Variants in MORF4L1 observed in about 807,000 individuals in gnomAD.
The protein encoded by MORF4L1 is mortality factor 4 like 1, also known as mortality factor 4-like protein 1.
A neutral mutation model predicts 52.9 loss-of-function variants in MORF4L1; 4 were observed. That is an observed-to-expected ratio of 0.08 (90% CI 0.04 to 0.17). MORF4L1 has a LOEUF of 0.17. Among genes scored for constraint, MORF4L1 ranks in the 10% least tolerant of loss-of-function variants. MORF4L1 has a pLI of 1.00. For synonymous variants in MORF4L1, 123 were observed against 134.8 expected, an observed-to-expected ratio of 0.91 and a Z score of 0.61; for missense variants, 214 against 390.4, an observed-to-expected ratio of 0.55 and a Z score of 3.81.
At chr15:78,878,048 T>A (rs928372680) in intron 1 of MORF4L1, 165 bp from the exon 2 acceptor site, 3 of 505,424 alleles carry the variant, frequency 5.9e-6, no homozygotes, top group African/African-American at 5.9e-5. Flanking sequence ...GTTTTTGTCG[T>A]AGGGTATAGT....
At chr15:78,893,439 T>G in intron 8 of MORF4L1, 100 bp from the exon 9 acceptor site, 1 of 768,296 alleles carries the variant, frequency 1.3e-6, no homozygotes, top group South Asian at 1.5e-5. Flanking sequence ...TAATTTGAAA[T>G]ACTGTTACTG....
intron 4 of MORF4L1, 71 bp downstream of exon 4, chr15:78,886,298 A>T: frequency 7.6e-7 from 1 of 1,310,122 alleles, no homozygotes; most frequent in South Asian, 1.2e-5. Flanking sequence ...GGAATGAACA[A>T]TGGAGATCAT....
At position 78,874,978 on chromosome 15, in the gene MORF4L1, C is replaced by T. The variant is rs79435848; in HGVS notation, c.40+1921C>T. ...CACATTAGCATTTTCAGTATATTTT[C>T]ATATCTCAACATTACAGTTATGGAA... On this transcript the variant is annotated intron_variant, in intron 1 of 11. Coordinates refer to ENST00000426013, the MANE Select transcript of MORF4L1 (RefSeq NM_006791.4). Among the ~76,000 whole-genome samples the T allele has an allele frequency of 0.027, 4,101 of 152,058 alleles. 523 individuals carry two copies. In the East Asian group the frequency reaches 0.38, roughly 14 times the overall value.
chr15:78,890,976 TC>T lies in MORF4L1; in HGVS notation c.324-12del. On this transcript the variant is annotated splice_polypyrimidine_tract_variant and intron_variant, in intron 5 of 11. Coordinates refer to ENST00000426013, the MANE Select transcript of MORF4L1 (RefSeq NM_006791.4). ...TGGAAATAATTATTTTTCTTTTTTT[TC>T]TCTCCTTTTAGGAAAACGAAAAAGA... The T allele has an allele frequency of 6.9e-7, 1 of 1,449,196 alleles. No homozygotes were observed. The allele number at this position is 1,449,196 out of a possible 1,614,324, so 89.8% of individuals were successfully genotyped here.
chr15:78,878,267 A>T lies in MORF4L1; in HGVS notation c.87+8A>T, dbSNP rs773303213. 1 of 1,610,504 alleles carries T rather than the reference A, an allele frequency of 6.2e-7. No individual in the cohort carries two copies. Among genetic ancestry groups the T allele is most frequent in the East Asian group, 2.2e-5 (1 of 44,816 alleles). On this transcript the variant is annotated splice_region_variant and intron_variant, in intron 2 of 11. Coordinates refer to ENST00000426013, the MANE Select transcript of MORF4L1 (RefSeq NM_006791.4). ...CTTCTTTATGAAGCAAAGGTATGAA[A>T]CTTGTTTTCTTTTGAGAAGTTGGCC...
chr15:78,890,187 G>C (rs1042741455), intron 5 of MORF4L1, among the ~76,000 whole-genome samples: 1 of 152,052 alleles, frequency 6.6e-6, no homozygotes, highest in Non-Finnish European at 1.5e-5. Flanking sequence ...CCAACAGACA[G>C]AGCAAGACTC....
rs2056907250 is a variant in MORF4L1 at position 78,897,241 on chromosome 15, CT to C, written c.*177del. The C allele has an allele frequency of 6.6e-6, 3 of 453,710 alleles. No homozygotes were observed. The highest frequency in any genetic ancestry group is 7.9e-6 in the Non-Finnish European group (2 of 251,906). 28.1% of individuals were successfully genotyped at this position (453,710 alleles called of 1,614,324 possible). A position where few individuals can be genotyped will look rare whatever the true frequency, so the allele number is the denominator to read the frequency against. On this transcript the variant is annotated 3_prime_UTR_variant, in exon 12 of 12. Transcript: ENST00000426013. ...AGGGGGTAATAGCTCCTTTTTTCTT[CT>C]TTCTTTTTTTTTTTCATTTCAAAAT...
In MORF4L1 at chr15:78,878,223, G is replaced by C. The variant is rs2056532852; in HGVS notation, c.51G>C (p.Val17=). Residue 17 remains valine (V), a synonymous_variant, in exon 2 of 12, where the codon GTG becomes GTC. Transcript: ENST00000426013. ...TTTCTCCCTTTACAGGTGAGCGAGT[G>C]CTGTGCTTTCATGGGCCTCTTCTTT... ...PKPKFQEGER[V]LCFHGPLLYE... 9.9e-6 allele frequency: 16 copies of C among 1,612,062 alleles called. No individual in the cohort carries two copies. Among genetic ancestry groups the C allele is most frequent in the Non-Finnish European group, 1.4e-5 (16 of 1,179,592 alleles).
chr15:78,894,306 T>A, intron 10 of MORF4L1, 76 bp downstream of exon 10: 1 of 1,212,716 alleles, frequency 8.2e-7, no homozygotes. Context: ...GTAAAGTAAT[T>A]AACTTTCCAA....
chr15:78,873,273 A>G, intron 1 of MORF4L1: 1 of 1,440,684 alleles, frequency 6.9e-7, no homozygotes, highest in South Asian at 1.4e-5. Context: ...CAGGCGTTAG[A>G]GTGGGAGAGA....
chr15:78,894,685 G>A lies in MORF4L1; in HGVS notation c.803-135G>A. On this transcript the variant is annotated intron_variant, in intron 10 of 11. Transcript: ENST00000426013. ...GGCCTCCCAAAGTGCTGGGATTACA[G>A]GCGTGAGCCACTATGCCCGGCCTAA... 3 of 702,534 alleles carry A rather than the reference G, an allele frequency of 4.3e-6. 1 individual carries two copies. Among genetic ancestry groups the A allele is most frequent in the Non-Finnish European group, 7.4e-6 (3 of 403,292 alleles). 43.5% of individuals were successfully genotyped at this position (702,534 alleles called of 1,614,324 possible).
At chr15:78,880,238 A>G (rs1385977995) in intron 2 of MORF4L1, among the ~76,000 whole-genome samples, 1 of 152,248 alleles carries the variant, frequency 6.6e-6, no homozygotes, top group East Asian at 1.9e-4. Context: ...GAGAAGACAC[A>G]AGCATAGCTT....
At chr15:78,886,928 C>G (rs1232188558) in intron 4 of MORF4L1, among the ~76,000 whole-genome samples, 1 of 149,558 alleles carries the variant, frequency 6.7e-6, no homozygotes, top group African/African-American at 2.5e-5. Flanking sequence ...GCAGTGTAGC[C>G]TGGGCAGCAC....
chr15:78,874,449 C>T (rs1161353128), intron 1 of MORF4L1, among the ~76,000 whole-genome samples: 2 of 152,258 alleles, frequency 1.3e-5, no homozygotes, highest in East Asian at 1.9e-4. Flanking sequence ...CTCGGCTCAC[C>T]TCTGCCCCCC....
Position 78,884,659 on chromosome 15 carries a change from ATACACACACAC to A in MORF4L1, c.156-1481_156-1471del, listed in dbSNP as rs771161174. Among the ~76,000 whole-genome samples the A allele has an allele frequency of 1.4e-3, 87 of 62,216 alleles. 1 individual carries two copies. In the East Asian group the frequency reaches 0.017, roughly 12 times the overall value. The allele number at this position is 62,216 out of a possible 152,430, so 40.8% of individuals were successfully genotyped here. On this transcript the variant is annotated intron_variant, in intron 3 of 11. Coordinates refer to ENST00000426013, the MANE Select transcript of MORF4L1 (RefSeq NM_006791.4). ...TGTCTCAAAAAAAAAAAAAAAAAAAATACACACACACACACACACACACACACAAATATCTC... is the reference window on the plus strand; with the variant it reads ...TGTCTCAAAAAAAAAAAAAAAAAAAAACACACACACACACACAAATATCTC...
At chr15:78,889,028 CTG>C (rs1171382951) in intron 5 of MORF4L1, among the ~76,000 whole-genome samples, 1 of 152,148 alleles carries the variant, frequency 6.6e-6, no homozygotes, top group African/African-American at 2.4e-5. Flanking sequence ...TTCTTTATCA[CTG>C]TGCTAAGTTA....
chr15:78,887,840 G>A (rs1378331886), intron 5 of MORF4L1, among the ~76,000 whole-genome samples: 1 of 152,148 alleles, frequency 6.6e-6, no homozygotes, highest in African/African-American at 2.4e-5. Flanking sequence ...GTGCAGTGGT[G>A]TGATCTGTGC....
At chr15:78,885,194 A>G (rs1400319163) in intron 3 of MORF4L1, 4 of 835,736 alleles carry the variant, frequency 4.8e-6, no homozygotes, top group Non-Finnish European at 1.8e-6. Flanking sequence ...ATCATTAAAC[A>G]AAAGAAAGTC....
At chr15:78,890,347 C>T (rs571431267) in intron 5 of MORF4L1, among the ~76,000 whole-genome samples, 2 of 149,964 alleles carry the variant, frequency 1.3e-5, no homozygotes, top group South Asian at 4.2e-4. Flanking sequence ...TTTTGGGGAA[C>T]AAAAATAATT....
Sources: gnomAD v4.1 joint callset for allele counts (sites outside exome capture counted in the v4.1 genomes callset) on GRCh38, gnomAD v4.1.1 for gene constraint, MANE v1.5 for transcripts, NCBI Gene and HGNC (gene_info 2026-07-23, HGNC 2026-07-21) for gene names.